BTBD8: variants seen among roughly 807,000 people sequenced by gnomAD.
BTBD8 encodes BTB/POZ domain-containing protein 8.
In BTBD8, 110 loss-of-function variants were observed where a neutral mutation model predicts 162.9. The observed-to-expected ratio is 0.68, with a 90% CI of 0.58 to 0.79. The LOEUF is 0.79. BTBD8 is among the 30% of genes least tolerant of loss of function. The pLI, the probability that BTBD8 is intolerant of heterozygous loss-of-function variation, is 0.00. For missense variants in BTBD8, 1,905 were observed against 2,085.4 expected (o/e 0.91, Z 1.68); for synonymous variants, 667 against 716.1 (o/e 0.93, Z 1.10).
chr1:92,121,827 C>A (rs1302403946), intron 4 of BTBD8, among the ~76,000 whole-genome samples: 1 of 151,730 alleles, frequency 6.6e-6, no homozygotes, highest in Non-Finnish European at 1.5e-5. Flanking sequence ...TATCTTTTGC[C>A]CATTTATTTT....
Position 92,180,953 on chromosome 1 carries a change from A to C in BTBD8, c.3270A>C (p.Leu1090=), listed in dbSNP as rs369687867. The C allele has an allele frequency of 4.4e-5, 68 of 1,551,570 alleles. No individual in the cohort carries two copies. Among genetic ancestry groups the C allele is most frequent in the Non-Finnish European group, 5.6e-5 (64 of 1,146,982 alleles). Residue 1090 remains leucine, a synonymous_variant, in exon 17 of 18, where the codon CTA becomes CTC. Transcript: ENST00000636805. ...VNSKFYSTTA[L]KYMVSNPNEN... ...CAAAATTTTATAGCACCACAGCCCTAAAATACATGGTTTCAAATCCAAATG... is the reference window on the plus strand; with the variant it reads ...CAAAATTTTATAGCACCACAGCCCTCAAATACATGGTTTCAAATCCAAATG...
Position 92,180,345 on chromosome 1 carries a change from C to T in BTBD8, c.2662C>T (p.His888Tyr). Residue 888 changes from histidine (H) to tyrosine (Y), a missense_variant, in exon 17 of 18, where the codon CAC (histidine) becomes TAC (tyrosine). His to Tyr is a moderately conservative substitution (Grantham distance 83). Around this residue, in one of 3 missense-constraint regions of BTBD8, gnomAD observed 1,374 missense variants for 1,442.7 expected, o/e 0.95. Transcript: ENST00000636805. ...TGATGAAAATGTGGCAAAGTTGGAC[C>T]ACAATACAACTACAGAGAAACAAGC... is the stretch of plus-strand genomic sequence containing the variant. ...QSDENVAKLDHNTTTEKQAPK... is the reference protein window; with the variant it reads ...QSDENVAKLDYNTTTEKQAPK... 1 of 1,551,372 alleles carries T rather than the reference C, an allele frequency of 6.4e-7. No individual in the cohort carries two copies. The highest frequency in any genetic ancestry group is 2.4e-5 in the East Asian group (1 of 40,900).
chr1:92,122,255 T>C (rs972953958), intron 4 of BTBD8, among the ~76,000 whole-genome samples: 2 of 112,432 alleles, frequency 1.8e-5, no homozygotes, highest in Admixed American at 2.0e-4. Context: ...ATTTAGCTAT[T>C]ATTATTATTA....
Position 92,125,873 on chromosome 1 carries a change from T to C in BTBD8, c.663-3814T>C, listed in dbSNP as rs11166200. ...AGGTGATTGAGCAAGGAGAGAGGGA[T>C]GTCTGTGTCAATGATGAATGAGCAA... On this transcript the variant is annotated intron_variant, in intron 4 of 17. Coordinates refer to ENST00000636805, the MANE Select transcript of BTBD8 (RefSeq NM_001376131.1). The C allele has an allele frequency of 6.7e-3, 2,804 of 418,596 alleles. 86 individuals carry two copies. Among genetic ancestry groups the C allele is most frequent in the African/African-American group, 0.053 (2,596 of 48,598 alleles). The allele number at this position is 418,596 out of a possible 1,614,324, so 25.9% of individuals were successfully genotyped here. A position where few individuals can be genotyped will look rare whatever the true frequency, so the allele number is the denominator to read the frequency against.
chr1:92,145,065 G>C (rs1180881155), intron 7 of BTBD8, among the ~76,000 whole-genome samples: 2 of 152,122 alleles, frequency 1.3e-5, no homozygotes, highest in Non-Finnish European at 2.9e-5. Context: ...CCAGGTTCAA[G>C]TGATTTTCCT....
chr1:92,080,745 T>G (rs764548932), intron 1 of BTBD8, 25 bp downstream of exon 1: 4 of 1,597,490 alleles, frequency 2.5e-6, no homozygotes, highest in Non-Finnish European at 3.4e-6. Context: ...GAACTCTGGC[T>G]GCTTCAGTTC....
rs748506978 is a variant in BTBD8 at position 92,158,074 on chromosome 1, C to T, written c.1123-8884C>T. Among the ~76,000 whole-genome samples the T allele has an allele frequency of 8.5e-5, 13 of 152,130 alleles. No homozygotes were observed. The South Asian group carries it at 1.2e-3, about 15-fold the overall frequency. Reference sequence around the variant, plus strand: ...TAGCCACTCTTACTCTTTTTATTACCATTGGTATGAAATATCTTTTTTTAT... The same window carrying T: ...TAGCCACTCTTACTCTTTTTATTACTATTGGTATGAAATATCTTTTTTTAT... On this transcript the variant is annotated intron_variant, in intron 9 of 17. Transcript: ENST00000636805.
At chr1:92,179,033 G>C (rs2100689705) in intron 16 of BTBD8, among the ~76,000 whole-genome samples, 1 of 152,252 alleles carries the variant, frequency 6.6e-6, no homozygotes, top group East Asian at 1.9e-4. Flanking sequence ...ATCACCTGAG[G>C]TCAGGAGTTC....
chr1:92,099,440 G>A (rs1256131066), intron 2 of BTBD8, among the ~76,000 whole-genome samples: 1 of 149,600 alleles, frequency 6.7e-6, no homozygotes, highest in Non-Finnish European at 1.5e-5. Context: ...AAAAAAGTCA[G>A]CTGGAATTTT....
intron 9 of BTBD8, among the ~76,000 whole-genome samples, chr1:92,149,737 C>T (rs1014164093): frequency 2.0e-5 from 3 of 152,176 alleles, no homozygotes; most frequent in African/African-American, 7.2e-5. Flanking sequence ...GCAGCCAGAT[C>T]TGTAACTGTT....
At chr1:92,084,960 T>G (rs1005574686) in intron 1 of BTBD8, among the ~76,000 whole-genome samples, 1 of 152,210 alleles carries the variant, frequency 6.6e-6, no homozygotes, top group Non-Finnish European at 1.5e-5. Flanking sequence ...GGCACTTACT[T>G]ACCTTGCCTT....
At chr1:92,139,547 A>G in intron 6 of BTBD8, 117 bp downstream of exon 6, 1 of 1,383,824 alleles carries the variant, frequency 7.2e-7, no homozygotes, top group African/African-American at 1.5e-5. Context: ...ATTATACTAT[A>G]TCTTCAGTAG....
chr1:92,132,479 T>C (rs1282490585), intron 5 of BTBD8, among the ~76,000 whole-genome samples: 1 of 152,170 alleles, frequency 6.6e-6, no homozygotes, highest in African/African-American at 2.4e-5. Flanking sequence ...CTCTACTCTT[T>C]CACCTGTAAT....
chr1:92,133,958 A>G lies in BTBD8; in HGVS notation c.752+4182A>G, dbSNP rs995704031. Among the ~76,000 whole-genome samples, 42 of 138,684 alleles carry G rather than the reference A, an allele frequency of 3.0e-4. 1 individual carries two copies. The highest frequency in any genetic ancestry group is 1.1e-3 in the African/African-American group (41 of 37,310). The allele number at this position is 138,684 out of a possible 152,430, so 91.0% of individuals were successfully genotyped here. A position where few individuals can be genotyped will look rare whatever the true frequency, so the allele number is the denominator to read the frequency against. On this transcript the variant is annotated intron_variant, in intron 5 of 17. Transcript: ENST00000636805. ...GCACTCCATCCTGGGTGACAGAGTG[A>G]GACTCTGTCTCAAAAAAAAAAAAAG...
chr1:92,091,364 C>G (rs1570713652), intron 2 of BTBD8, among the ~76,000 whole-genome samples: 2 of 152,132 alleles, frequency 1.3e-5, no homozygotes, highest in African/African-American at 4.8e-5. Flanking sequence ...GCCTGGGGAA[C>G]TGGGAGTCAA....
At chr1:92,113,783 C>T (rs970182668) in intron 4 of BTBD8, among the ~76,000 whole-genome samples, 1 of 151,844 alleles carries the variant, frequency 6.6e-6, no homozygotes, top group Non-Finnish European at 1.5e-5. Context: ...GAGGCCGAGG[C>T]GGGCGGATCA....
intron 7 of BTBD8, among the ~76,000 whole-genome samples, 178 bp downstream of exon 7, chr1:92,141,389 A>G (rs1460458679): frequency 6.6e-6 from 1 of 152,220 alleles, no homozygotes; most frequent in East Asian, 1.9e-4. Context: ...ATCAGAAACT[A>G]ATTCAAATAA....
At chr1:92,114,003 C>G (rs1648971804) in intron 4 of BTBD8, among the ~76,000 whole-genome samples, 1 of 114,010 alleles carries the variant, frequency 8.8e-6, no homozygotes, top group Non-Finnish European at 1.7e-5. Flanking sequence ...CAGAGTGAGA[C>G]TCCGTCTCAA....
rs192931616 is a variant in BTBD8, at chr1:92,176,015, A to G, written c.1636-814A>G. Among the ~76,000 whole-genome samples, 57 of 152,112 alleles carry G rather than the reference A, an allele frequency of 3.7e-4. 2 individuals carry two copies. The highest frequency in any genetic ancestry group is 1.3e-3 in the African/African-American group (54 of 41,492). On this transcript the variant is annotated intron_variant, in intron 13 of 17. Coordinates refer to ENST00000636805, the MANE Select transcript of BTBD8 (RefSeq NM_001376131.1). ...TAGGATCCCTTTTCCTTCGCTTCCTATAGCCAGCCAGTGCTATACTAGTAT... is the reference window on the plus strand; with the variant it reads ...TAGGATCCCTTTTCCTTCGCTTCCTGTAGCCAGCCAGTGCTATACTAGTAT...
Sources: allele counts gnomAD v4.1 joint callset (sites outside exome capture counted in the v4.1 genomes callset), GRCh38; gene constraint gnomAD v4.1.1; regional missense constraint gnomAD v4.1.1; transcripts MANE v1.5; gene names NCBI Gene and HGNC (gene_info 2026-07-23, HGNC 2026-07-21).